RFTN1: variants seen among roughly 807,000 people sequenced by gnomAD.
The protein encoded by RFTN1 is raftlin.
A neutral mutation model predicts 46.5 loss-of-function variants in RFTN1; 26 were observed. The observed-to-expected ratio is 0.56, with a 90% CI of 0.41 to 0.78. RFTN1 has a LOEUF of 0.78. Ranked by LOEUF, RFTN1 falls within the 30% of genes least tolerant of loss-of-function variation. RFTN1 has a pLI of 0.00. For missense variants in RFTN1, 693 were observed against 718.7 expected (o/e 0.96, Z 0.41); for synonymous variants, 261 against 284.2 (o/e 0.92, Z 0.82).
At position 16,440,077 on chromosome 3, in the gene RFTN1, T is replaced by C. The variant is rs2075592470; in HGVS notation, c.146-6040A>G. Among the ~76,000 whole-genome samples, 1 of 152,190 alleles carries C rather than the reference T, an allele frequency of 6.6e-6. No homozygotes were observed. Among genetic ancestry groups the C allele is most frequent in the South Asian group, 2.1e-4 (1 of 4,824 alleles). On this transcript the variant is annotated intron_variant, in intron 2 of 9. Transcript: ENST00000334133. This position sits in a 1 kb window ranked among gnomAD's most constrained non-coding sequence, Gnocchi z 4.6. ...TTCGTAGTCTGAAGATAAGGGACACTGGTATGGCTGTCTTAGCCACCGTTA... is the reference window on the plus strand; with the variant it reads ...TTCGTAGTCTGAAGATAAGGGACACCGGTATGGCTGTCTTAGCCACCGTTA...
chr3:16,409,159 C>T (rs548144784), intron 4 of RFTN1, among the ~76,000 whole-genome samples: 1 of 152,198 alleles, frequency 6.6e-6, no homozygotes. Flanking sequence ...AAGACAGGAC[C>T]CGGGCTCCTG....
In RFTN1 at chr3:16,338,087, A is replaced by G. The variant is rs527393531; in HGVS notation, c.1147-11211T>C. Among the ~76,000 whole-genome samples the G allele has an allele frequency of 2.0e-5, 3 of 152,252 alleles. No homozygotes were observed. The highest frequency in any genetic ancestry group is 2.1e-4 in the South Asian group (1 of 4,828). ...AGAAAACCAAACCTGCATGTGCAAG[A>G]TAACATTCTCCTGGATTCTGGGACA... On this transcript the variant is annotated intron_variant, in intron 7 of 9. Coordinates refer to ENST00000334133, the MANE Select transcript of RFTN1 (RefSeq NM_015150.2). This position sits in a 1 kb window ranked among gnomAD's most constrained non-coding sequence, Gnocchi z 5.3.
chr3:16,435,189 G>C (rs2075479034), intron 2 of RFTN1, among the ~76,000 whole-genome samples: 2 of 152,224 alleles, frequency 1.3e-5, no homozygotes, highest in South Asian at 4.2e-4. Flanking sequence ...AAAGTGAACA[G>C]GTCTATATAT....
intron 2 of RFTN1, among the ~76,000 whole-genome samples, chr3:16,478,860 A>C (rs548995315): frequency 6.6e-6 from 1 of 152,330 alleles, no homozygotes; most frequent in South Asian, 2.1e-4. Flanking sequence ...ACAACACGGC[A>C]ACCAGTTTCC....
At chr3:16,392,350 G>A (rs1428222695) in intron 4 of RFTN1, among the ~76,000 whole-genome samples, 1 of 152,076 alleles carries the variant, frequency 6.6e-6, no homozygotes, top group Non-Finnish European at 1.5e-5. Flanking sequence ...TCTCAGACAA[G>A]ACACCCCACC....
At chr3:16,379,424 ATAAAT>A (rs1402255186) in intron 4 of RFTN1, among the ~76,000 whole-genome samples, 4 of 152,276 alleles carry the variant, frequency 2.6e-5, no homozygotes, top group Non-Finnish European at 5.9e-5. Flanking sequence ...GGCATTTTAC[ATAAAT>A]TAAAACAACA....
intron 4 of RFTN1, among the ~76,000 whole-genome samples, chr3:16,388,051 C>T (rs1317698889): frequency 6.6e-6 from 1 of 152,220 alleles, no homozygotes; most frequent in Non-Finnish European, 1.5e-5. Flanking sequence ...GAATAAGATT[C>T]CCAACCCTTG....
rs899960286 is a variant in RFTN1 at position 16,329,034 on chromosome 3, A to G, written c.1147-2158T>C. Among the ~76,000 whole-genome samples, 6 of 152,334 alleles carry G rather than the reference A, an allele frequency of 3.9e-5. No homozygotes were observed. Among genetic ancestry groups the G allele is most frequent in the East Asian group, 3.9e-4 (2 of 5,182 alleles). The stretch of plus-strand genomic sequence containing the variant: ...TGTTGAAAACTTAATCCCCAATGCA[A>G]TGACATTGAATGGTGAGGCCTGGTG... On this transcript the variant is annotated intron_variant, in intron 7 of 9. Coordinates refer to ENST00000334133, the MANE Select transcript of RFTN1 (RefSeq NM_015150.2). The surrounding 1 kb of genome is among the most constrained non-coding windows in gnomAD (Gnocchi z 4.5).
chr3:16,458,701 A>G lies in RFTN1; in HGVS notation c.146-24664T>C, dbSNP rs1412567584. On this transcript the variant is annotated intron_variant, in intron 2 of 9. Transcript: ENST00000334133. The surrounding 1 kb of genome is among the most constrained non-coding windows in gnomAD (Gnocchi z 5.1). ...CAGCAACTAAAAACTCAGATCCACAAAACAGCAAGAAGCCAAATAATTCTC... is the reference window on the plus strand; with the variant it reads ...CAGCAACTAAAAACTCAGATCCACAGAACAGCAAGAAGCCAAATAATTCTC... Among the ~76,000 whole-genome samples the G allele has an allele frequency of 6.6e-6, 1 of 152,254 alleles. No individual in the cohort carries two copies. The highest frequency in any genetic ancestry group is 1.9e-4 in the East Asian group (1 of 5,204).
At position 16,337,519 on chromosome 3, in the gene RFTN1, G is replaced by A. The variant is rs1200896566; in HGVS notation, c.1147-10643C>T. 6.6e-6 allele frequency among the ~76,000 whole-genome samples: 1 copy of A among 151,966 alleles called. No homozygotes were observed. Among genetic ancestry groups the A allele is most frequent in the Non-Finnish European group, 1.5e-5 (1 of 67,964 alleles). On this transcript the variant is annotated intron_variant, in intron 7 of 9. Coordinates refer to ENST00000334133, the MANE Select transcript of RFTN1 (RefSeq NM_015150.2). This position sits in a 1 kb window ranked among gnomAD's most constrained non-coding sequence, Gnocchi z 5.0. ...TGCACTTTGGGAGGCAGAGGTGGGT[G>A]GATCATGAGGTCAGGAGATCGAGAC...
At position 16,425,293 on chromosome 3, in the gene RFTN1, A is replaced by G. The variant is rs536478103; in HGVS notation, c.332+8558T>C. Among the ~76,000 whole-genome samples, 10 of 152,332 alleles carry G rather than the reference A, an allele frequency of 6.6e-5. No individual in the cohort carries two copies. The East Asian group carries it at 9.6e-4, about 15-fold the overall frequency. On this transcript the variant is annotated intron_variant, in intron 3 of 9. Coordinates refer to ENST00000334133, the MANE Select transcript of RFTN1 (RefSeq NM_015150.2). This position sits in a 1 kb window ranked among gnomAD's most constrained non-coding sequence, Gnocchi z 4.3. ...GCCTCTATTTTATTTAAAAACAAATACAGACATTTCATGGTACTGAAGTAT... is the reference window on the plus strand; with the variant it reads ...GCCTCTATTTTATTTAAAAACAAATGCAGACATTTCATGGTACTGAAGTAT...
chr3:16,510,756 G>T (rs906795853), intron 1 of RFTN1, among the ~76,000 whole-genome samples: 3 of 152,120 alleles, frequency 2.0e-5, no homozygotes, highest in Non-Finnish European at 4.4e-5. Context: ...TTTTGACCCA[G>T]CAATTTACTA....
In RFTN1 at chr3:16,356,523, G is replaced by A. The variant is rs919082904; in HGVS notation, c.1146+1409C>T. Among the ~76,000 whole-genome samples the A allele has an allele frequency of 5.9e-5, 9 of 152,134 alleles. No individual in the cohort carries two copies. Among genetic ancestry groups the A allele is most frequent in the Non-Finnish European group, 1.3e-4 (9 of 68,012 alleles). ...CCAACAGCCTTGCTCCTCACTTCAC[G>A]TGTGCTGGGAACTGCTGCAGCTTCA... On this transcript the variant is annotated intron_variant, in intron 7 of 9. Coordinates refer to ENST00000334133, the MANE Select transcript of RFTN1 (RefSeq NM_015150.2). This position sits in a 1 kb window ranked among gnomAD's most constrained non-coding sequence, Gnocchi z 4.9.
intron 2 of RFTN1, chr3:16,454,882 A>G: frequency 1.8e-6 from 1 of 566,624 alleles, no homozygotes; most frequent in South Asian, 7.8e-5. Flanking sequence ...CTAGAATTCA[A>G]TAAATCCTTA....
At chr3:16,369,401 C>G (rs1322549776) in intron 6 of RFTN1, among the ~76,000 whole-genome samples, 1 of 152,252 alleles carries the variant, frequency 6.6e-6, no homozygotes, top group Non-Finnish European at 1.5e-5. Flanking sequence ...GTCCCACTCC[C>G]CAAGTTGCCT....
At chr3:16,470,638 C>A (rs535713496) in intron 2 of RFTN1, among the ~76,000 whole-genome samples, 1 of 152,314 alleles carries the variant, frequency 6.6e-6, no homozygotes, top group East Asian at 1.9e-4. Context: ...CTAAGCAACC[C>A]AGCTAAGGCT....
At chr3:16,372,859 G>A (rs954855954) in intron 5 of RFTN1, among the ~76,000 whole-genome samples, 4 of 152,212 alleles carry the variant, frequency 2.6e-5, no homozygotes, top group African/African-American at 9.7e-5. Flanking sequence ...AGGAAACAGT[G>A]TTGGAACGAA....
intron 4 of RFTN1, among the ~76,000 whole-genome samples, chr3:16,394,523 T>G (rs1559319924): frequency 6.6e-6 from 1 of 152,028 alleles, no homozygotes; most frequent in African/African-American, 2.4e-5. Flanking sequence ...CACCCTTTGG[T>G]GTTAGAAGTT....
chr3:16,458,846 G>A lies in RFTN1; in HGVS notation c.146-24809C>T, dbSNP rs2075959738. Among the ~76,000 whole-genome samples the A allele has an allele frequency of 6.6e-6, 1 of 152,148 alleles. No individual in the cohort carries two copies. The highest frequency in any genetic ancestry group is 2.1e-4 in the South Asian group (1 of 4,824). Reference sequence around the variant, plus strand: ...GTCCATCTGTTTTTCTAGCAGATTAGAAGTACAAAAATCAGGGGAGTCATC... The same window carrying A: ...GTCCATCTGTTTTTCTAGCAGATTAAAAGTACAAAAATCAGGGGAGTCATC... On this transcript the variant is annotated intron_variant, in intron 2 of 9. Coordinates refer to ENST00000334133, the MANE Select transcript of RFTN1 (RefSeq NM_015150.2). This position sits in a 1 kb window ranked among gnomAD's most constrained non-coding sequence, Gnocchi z 5.1.
Sources: gnomAD v4.1 joint callset for allele counts (sites outside exome capture counted in the v4.1 genomes callset) on GRCh38, gnomAD v4.1.1 for gene constraint, Gnocchi (gnomAD v3.1) non-coding constraint, MANE v1.5 for transcripts, NCBI Gene and HGNC (gene_info 2026-07-23, HGNC 2026-07-21) for gene names.